The following VAV2 variants were observed in gnomAD, a reference collection of about 807,000 sequenced individuals.
VAV2 encodes guanine nucleotide exchange factor VAV2.
VAV2 carries 67 observed loss-of-function variants against 132.5 expected under a neutral mutation model. That is an observed-to-expected ratio of 0.51 (90% confidence interval 0.42 to 0.62). The LOEUF (loss-of-function observed/expected upper bound fraction) is 0.62, where lower values mean the gene tolerates loss of function less well. VAV2 is among the 20% of genes least tolerant of loss of function. The pLI, the probability that VAV2 is intolerant of heterozygous loss-of-function variation, is 0.00. For synonymous variants in VAV2, 492 were observed against 443.5 expected, an observed-to-expected ratio of 1.11 and a Z score of -1.37; for missense variants, 938 against 1,153.6, an observed-to-expected ratio of 0.81 and a Z score of 2.71.
chr9:133,951,302 G>A (rs1216770339), intron 1 of VAV2, among the ~76,000 whole-genome samples: 1 of 152,192 alleles, frequency 6.6e-6, no homozygotes, highest in Non-Finnish European at 1.5e-5. Flanking sequence ...GCAACTACGG[G>A]GGCTGGAGAA....
rs550377058 is a variant in VAV2 at position 133,885,582 on chromosome 9, C to T, written c.322-24150G>A. On this transcript the variant is annotated intron_variant, in intron 2 of 29. Coordinates refer to ENST00000371850, the MANE Select transcript of VAV2 (RefSeq NM_001134398.2). This position sits in a 1 kb window ranked among gnomAD's most constrained non-coding sequence, Gnocchi z 5.0. ...TTTTACACAAGCAAGGTGCTCAGGC[C>T]GCAGGGGAGACGTGACCCCAGGGCG... is the stretch of plus-strand genomic sequence containing the variant. Among the ~76,000 whole-genome samples the T allele has an allele frequency of 1.3e-5, 2 of 152,312 alleles. No individual in the cohort carries two copies. Among genetic ancestry groups the T allele is most frequent in the East Asian group, 1.9e-4 (1 of 5,186 alleles).
At chr9:133,822,364 T>C (rs1203441559) in intron 4 of VAV2, among the ~76,000 whole-genome samples, 3 of 152,108 alleles carry the variant, frequency 2.0e-5, no homozygotes, top group Non-Finnish European at 4.4e-5. Flanking sequence ...CGTCCACACC[T>C]CAGGGTGCTT....
chr9:133,781,772 G>C (rs955137864), intron 19 of VAV2, among the ~76,000 whole-genome samples: 4 of 152,240 alleles, frequency 2.6e-5, no homozygotes. Flanking sequence ...GCGTCCCCCA[G>C]CAGAGGGATG....
At chr9:133,939,016 G>A in intron 2 of VAV2, 87 bp downstream of exon 2, 1 of 1,238,388 alleles carries the variant, frequency 8.1e-7, no homozygotes, top group African/African-American at 1.5e-5. Context: ...CAATCAGGCT[G>A]CTCCATGGAT....
chr9:133,834,327 C>CGAA lies in VAV2; in HGVS notation c.393_394insTTC (p.Ser131_Glu132insPhe), dbSNP rs1328609378. The CGAA allele has an allele frequency of 1.2e-6, 2 of 1,612,770 alleles. No homozygotes were observed. Among genetic ancestry groups the CGAA allele is most frequent in the Non-Finnish European group, 1.7e-6 (2 of 1,179,502 alleles). On this transcript the variant is annotated inframe_insertion, in exon 4 of 30. Coordinates refer to ENST00000371850, the MANE Select transcript of VAV2 (RefSeq NM_001134398.2). The surrounding 1 kb of genome is among the most constrained non-coding windows in gnomAD (Gnocchi z 5.9). ...TCATCGTCATTCTCTGTGGTCTCCT[C>CGAA]TGAGGGAAAAGGCCTGCGGAAGAGA... is the stretch of plus-strand genomic sequence containing the variant.
chr9:133,865,993 C>T (rs1403909492), intron 2 of VAV2, among the ~76,000 whole-genome samples: 1 of 152,338 alleles, frequency 6.6e-6, no homozygotes, highest in East Asian at 1.9e-4. Context: ...TCAGCTGCTT[C>T]TGTGTGCCAG....
chr9:133,880,431 T>C (rs2131936338), intron 2 of VAV2, among the ~76,000 whole-genome samples: 1 of 152,218 alleles, frequency 6.6e-6, no homozygotes, highest in Non-Finnish European at 1.5e-5. Flanking sequence ...AACTCCCAGG[T>C]CAGAAAAGGC....
At chr9:133,903,720 T>A (rs1198921642) in intron 2 of VAV2, among the ~76,000 whole-genome samples, 1 of 152,054 alleles carries the variant, frequency 6.6e-6, no homozygotes, top group Non-Finnish European at 1.5e-5. Context: ...TGGGCGTCAC[T>A]GAAAAACAGC....
intron 12 of VAV2, among the ~76,000 whole-genome samples, chr9:133,795,042 G>A (rs1834651343): frequency 6.6e-6 from 1 of 152,240 alleles, no homozygotes; most frequent in African/African-American, 2.4e-5. Flanking sequence ...GCCTGGGAGG[G>A]ATCAAACCTG....
intron 2 of VAV2, among the ~76,000 whole-genome samples, chr9:133,867,371 C>T (rs1259142597): frequency 6.6e-6 from 1 of 152,242 alleles, no homozygotes; most frequent in Non-Finnish European, 1.5e-5. Flanking sequence ...TCACCCTGCA[C>T]TTGAGCCAGT....
intron 2 of VAV2, among the ~76,000 whole-genome samples, chr9:133,893,422 C>T (rs1439503741): frequency 1.3e-5 from 2 of 152,174 alleles, no homozygotes; most frequent in Admixed American, 6.5e-5. Context: ...GGTGGGGCAG[C>T]GTGGAGGAGG....
Position 133,991,530 on chromosome 9 carries a change from C to A in VAV2, c.204+545G>T, listed in dbSNP as rs1843017280. On this transcript the variant is annotated intron_variant, in intron 1 of 29. Coordinates refer to ENST00000371850, the MANE Select transcript of VAV2 (RefSeq NM_001134398.2). This position sits in a 1 kb window ranked among gnomAD's most constrained non-coding sequence, Gnocchi z 4.8. Reference sequence around the variant, plus strand: ...GCCCGGGTCCGGGTCCGGGAAGAGGCGGAGGCCGGCGAGGGGGCGGTGCCC... The same window carrying A: ...GCCCGGGTCCGGGTCCGGGAAGAGGAGGAGGCCGGCGAGGGGGCGGTGCCC... Among the ~76,000 whole-genome samples the A allele has an allele frequency of 6.6e-6, 1 of 151,840 alleles. No individual in the cohort carries two copies.
At chr9:133,968,538 A>T (rs1051849275) in intron 1 of VAV2, among the ~76,000 whole-genome samples, 2 of 152,116 alleles carry the variant, frequency 1.3e-5, no homozygotes, top group African/African-American at 4.8e-5. Context: ...GGCCAGTCCC[A>T]TGGTCCCCAG....
rs528464462 is a variant in VAV2, at chr9:133,969,740, A to G, written c.204+22335T>C. Among the ~76,000 whole-genome samples the G allele has an allele frequency of 2.0e-5, 3 of 152,100 alleles. No individual in the cohort carries two copies. The East Asian group carries it at 5.8e-4, about 29-fold the overall frequency. On this transcript the variant is annotated intron_variant, in intron 1 of 29. Transcript: ENST00000371850. The surrounding 1 kb of genome is among the most constrained non-coding windows in gnomAD (Gnocchi z 5.1). ...AGCCCACCCACTCCTCCTGCGCTCC[A>G]GCGGGGCCGTCCATCTCTCTCCATT...
At chr9:133,907,050 G>A (rs902996267) in intron 2 of VAV2, among the ~76,000 whole-genome samples, 2 of 152,174 alleles carry the variant, frequency 1.3e-5, no homozygotes, top group African/African-American at 2.4e-5. Context: ...CCGGCGGCGG[G>A]GGGAGGGACA....
At chr9:133,777,233 C>G (rs1201922629) in intron 23 of VAV2, among the ~76,000 whole-genome samples, 156 bp downstream of exon 23, 1 of 152,160 alleles carries the variant, frequency 6.6e-6, no homozygotes, top group Non-Finnish European at 1.5e-5. Flanking sequence ...CACCCATCTT[C>G]TCTCTGGGCT....
rs1181008004 is a variant in VAV2 at position 133,838,701 on chromosome 9, G to A, written c.381-4361C>T. ...TGGATGGCTGAGTGGCTAGCTGGGT[G>A]GGTGGGTGGATTGATGGATGGGTGG... On this transcript the variant is annotated intron_variant, in intron 3 of 29. Transcript: ENST00000371850. Among the ~76,000 whole-genome samples, 4 of 150,200 alleles carry A rather than the reference G, an allele frequency of 2.7e-5. No homozygotes were observed. The South Asian group carries it at 8.5e-4, about 32-fold the overall frequency.
At chr9:133,842,413 G>A (rs1463395531) in intron 3 of VAV2, among the ~76,000 whole-genome samples, 4 of 152,230 alleles carry the variant, frequency 2.6e-5, no homozygotes, top group African/African-American at 9.6e-5. Flanking sequence ...CCTGGAGGGC[G>A]GGACTGGCTC....
chr9:133,931,921 AAC>A (rs1235415536), intron 2 of VAV2, among the ~76,000 whole-genome samples: 2 of 152,188 alleles, frequency 1.3e-5, no homozygotes, highest in African/African-American at 4.8e-5. Context: ...AGGTGGGGAT[AAC>A]ACAGGCGACA....
Sources: allele counts gnomAD v4.1 joint callset (sites outside exome capture counted in the v4.1 genomes callset), GRCh38; gene constraint gnomAD v4.1.1; non-coding constraint Gnocchi (gnomAD v3.1); transcripts MANE v1.5; gene names NCBI Gene and HGNC (gene_info 2026-07-23, HGNC 2026-07-21).